ANKZF1: variants seen among roughly 807,000 people sequenced by gnomAD.
The protein encoded by ANKZF1 is ankyrin repeat and zinc finger peptidyl tRNA hydrolase 1, also known as tRNA endonuclease ANKZF1.
Under a neutral mutation model 86.0 loss-of-function variants are expected in ANKZF1, and 84 were observed. That is an observed-to-expected ratio of 0.98 (90% confidence interval 0.82 to 1.17). ANKZF1 has a LOEUF of 1.17. Among genes scored for constraint, ANKZF1 ranks in the 50% most tolerant of loss-of-function variants. The pLI is 0.00. For synonymous variants in ANKZF1, 331 were observed against 354.2 expected (o/e 0.93, Z 0.74); for missense variants, 893 against 918.4 (o/e 0.97, Z 0.36).
Position 219,236,582 on chromosome 2 carries a change from G to A in ANKZF1, c.*137G>A. On this transcript the variant is annotated 3_prime_UTR_variant, in exon 14 of 14. Transcript: ENST00000323348. ...AAGGACACTCGGGAACTAGGGCAAA[G>A]ACAGGGCTAGAGGTATGTGGAGCTG... 1 of 1,166,010 alleles carries A rather than the reference G, an allele frequency of 8.6e-7. No homozygotes were observed. 72.2% of individuals were successfully genotyped at this position (1,166,010 alleles called of 1,614,324 possible).
rs757250820 is a variant in ANKZF1, at chr2:219,235,744, C to T, written c.1840C>T (p.Gln614Ter). The change falls in exon 12 of 14, where the codon CAG (glutamine) becomes TAG (stop). Residue 614 changes from glutamine (Q) to a stop codon, truncating the protein, a stop_gained. Coordinates refer to ENST00000323348, the MANE Select transcript of ANKZF1 (RefSeq NM_018089.3). LOFTEE classifies it high-confidence loss of function. ...ATTGACACCAGAAATGGAGGCACGGCAGGCTACACGGAAAAGGGAGCAGAA... is the reference window on the plus strand; with the variant it reads ...ATTGACACCAGAAATGGAGGCACGGTAGGCTACACGGAAAAGGGAGCAGAA... ...GPLTPEMEAR[Q>*]ATRKREQKAA... 9 of 1,614,168 alleles carry T rather than the reference C, an allele frequency of 5.6e-6. No homozygotes were observed. The South Asian group carries it at 8.8e-5, about 16-fold the overall frequency.
In ANKZF1 at chr2:219,233,881, G is replaced by A. The variant is rs200210746; in HGVS notation, c.986G>A (p.Arg329His). 9.0e-5 allele frequency: 145 copies of A among 1,610,324 alleles called. No individual in the cohort carries two copies. In the African/African-American group the frequency reaches 9.5e-4, roughly 11 times the overall value. ...CTTTGGGATATCCCCCTCGCCACCC[G>A]CAGACCCACCTTCCAAGAGCTACAG... is the stretch of plus-strand genomic sequence containing the variant. The part of the protein sequence containing the change: ...PRLWDIPLAT[R>H]RPTFQELQRV... The change falls in exon 8 of 14, where the codon CGC (arginine) becomes CAC (histidine). Residue 329 changes from arginine to histidine, a missense_variant. Arg to His is a conservative substitution (Grantham distance 29). Coordinates refer to ENST00000323348, the MANE Select transcript of ANKZF1 (RefSeq NM_018089.3).
At chr2:219,235,661 G>A in intron 11 of ANKZF1, 47 bp from the exon 12 acceptor site, 1 of 1,611,452 alleles carries the variant, frequency 6.2e-7, no homozygotes. Flanking sequence ...ACTTCTTGCA[G>A]TTTTACCAAA....
chr2:219,236,250 G>T (rs1038708200), intron 13 of ANKZF1, 72 bp from the exon 14 acceptor site: 8 of 1,610,088 alleles, frequency 5.0e-6, no homozygotes, highest in African/African-American at 1.3e-5. Flanking sequence ...ATGGCAGGAG[G>T]AGGGACGGGG....
intron 7 of ANKZF1, 23 bp from the exon 8 acceptor site, chr2:219,233,692 G>A (rs1350251309): frequency 3.1e-6 from 5 of 1,590,426 alleles, no homozygotes; most frequent in Non-Finnish European, 4.3e-6. Flanking sequence ...AGGTATGCAG[G>A]ACTGAGTTAC....
At position 219,230,347 on chromosome 2, in the gene ANKZF1, C is replaced by T. The variant is rs1303059489; in HGVS notation, c.90C>T (p.Ser30=). 6.2e-7 allele frequency: 1 copy of T among 1,613,974 alleles called. No homozygotes were observed. The highest frequency in any genetic ancestry group is 8.5e-7 in the Non-Finnish European group (1 of 1,179,880). ...SADAPVFQGL[S]LVSHAPGEAL... ...ATGCTCCGGTCTTTCAGGGCCTGAG[C>T]CTGGTGAGCCACGCGCCTGGGGAGG... Residue 30 remains serine, a synonymous_variant, in exon 2 of 14, where the codon AGC becomes AGT. Transcript: ENST00000323348.
Position 219,235,666 on chromosome 2 carries a change from A to G in ANKZF1, c.1804-42A>G, listed in dbSNP as rs372136392. ...GATCCTTTCTACTTCTTGCAGTTTT[A>G]CCAAAGATAACTTATAGGGTCTTAT... On this transcript the variant is annotated intron_variant, in intron 11 of 13. Coordinates refer to ENST00000323348, the MANE Select transcript of ANKZF1 (RefSeq NM_018089.3). The G allele has an allele frequency of 1.8e-4, 296 of 1,611,332 alleles. 2 individuals carry two copies. The African/African-American group carries it at 3.0e-3, about 17-fold the overall frequency.
At chr2:219,235,395 A>G (rs1181428920) in intron 10 of ANKZF1, 79 bp from the exon 11 acceptor site, 7 of 1,599,846 alleles carry the variant, frequency 4.4e-6, no homozygotes, top group Admixed American at 1.7e-5. Context: ...CTACTTGGCA[A>G]TATTCCCTTG....
At position 219,233,133 on chromosome 2, in the gene ANKZF1, A is replaced by G; in HGVS notation, c.613A>G (p.Arg205Gly). 6.2e-7 allele frequency: 1 copy of G among 1,614,230 alleles called. No individual in the cohort carries two copies. ...LLQNLQSRGPRDCVVLMAAAG... is the reference protein window; with the variant it reads ...LLQNLQSRGPGDCVVLMAAAG... The stretch of plus-strand genomic sequence containing the variant: ...ACAGAACCTGCAAAGTAGAGGTCCC[A>G]GAGACTGCGTGGTGCTCATGGCTGC... Residue 205 changes from arginine to glycine, a missense_variant, in exon 6 of 14, where the codon AGA becomes GGA. Transcript: ENST00000323348.
At chr2:219,230,629 T>C (rs74566087) in intron 2 of ANKZF1, 3 of 440,604 alleles carry the variant, frequency 6.8e-6, no homozygotes, top group African/African-American at 6.1e-5. Flanking sequence ...ACCATTCCCT[T>C]CAAAAACACT....
In ANKZF1 at chr2:219,236,468, C is replaced by T. The variant is rs1021403838; in HGVS notation, c.*23C>T. On this transcript the variant is annotated 3_prime_UTR_variant, in exon 14 of 14. Transcript: ENST00000323348. ...TGATCTCTTACAGCTCTACCTGGGG[C>T]CAACTCAGGGACCTGAGAGGGCACA... is the stretch of plus-strand genomic sequence containing the variant. The T allele has an allele frequency of 1.3e-6, 2 of 1,551,882 alleles. No homozygotes were observed. Among genetic ancestry groups the T allele is most frequent in the African/African-American group, 2.7e-5 (2 of 72,768 alleles).
chr2:219,233,519 T>G (rs1426108420), intron 7 of ANKZF1, 86 bp downstream of exon 7: 1 of 1,472,138 alleles, frequency 6.8e-7, no homozygotes, highest in Non-Finnish European at 9.0e-7. Context: ...GGGAGGTTTT[T>G]GACTCATATC....
At chr2:219,233,495 C>T (rs747736976) in intron 7 of ANKZF1, 62 bp downstream of exon 7, 2 of 1,507,924 alleles carry the variant, frequency 1.3e-6, no homozygotes, top group Non-Finnish European at 1.8e-6. Context: ...CTCTGTTCAA[C>T]TCACTGTTAA....
In ANKZF1 at chr2:219,233,095, C is replaced by T; in HGVS notation, c.575C>T (p.Ala192Val). 6.2e-7 allele frequency: 1 copy of T among 1,613,920 alleles called. No individual in the cohort carries two copies. The highest frequency in any genetic ancestry group is 8.5e-7 in the Non-Finnish European group (1 of 1,179,984). ...LGPHQDPPEE[A>V]ELLLQNLQSR... ...GTCATCAAGGATCCCCCAGAAGAGG[C>T]AGAACTGCTGCTACAGAACCTGCAA... Residue 192 changes from alanine to valine, a missense_variant, in exon 6 of 14, where the codon GCA becomes GTA. By Grantham distance (64) the Ala-to-Val change is moderately conservative. Transcript: ENST00000323348.
chr2:219,230,418 G>A lies in ANKZF1; in HGVS notation c.148+13G>A. 1.3e-6 allele frequency: 2 copies of A among 1,594,860 alleles called. No individual in the cohort carries two copies. The highest frequency in any genetic ancestry group is 8.6e-7 in the Non-Finnish European group (1 of 1,165,914). ...ACTTCCTGTTCAGGTATCCTGGAAGGTTTCGTGTGAAACGTGACAGGGCTC... is the reference window on the plus strand; with the variant it reads ...ACTTCCTGTTCAGGTATCCTGGAAGATTTCGTGTGAAACGTGACAGGGCTC... On this transcript the variant is annotated intron_variant, in intron 2 of 13. Coordinates refer to ENST00000323348, the MANE Select transcript of ANKZF1 (RefSeq NM_018089.3).
At chr2:219,232,406 G>A (rs762954966) in intron 4 of ANKZF1, 44 bp downstream of exon 4, 3 of 1,611,134 alleles carry the variant, frequency 1.9e-6, no homozygotes, top group African/African-American at 2.7e-5. Flanking sequence ...GGACATGGAG[G>A]TATAAGAAAG....
chr2:219,230,126 A>T, intron 1 of ANKZF1, 102 bp from the exon 2 acceptor site: 1 of 952,034 alleles, frequency 1.1e-6, no homozygotes, highest in South Asian at 1.7e-5. Context: ...ATGAGAGACG[A>T]GAAGTCTTGC....
intron 9 of ANKZF1, 63 bp downstream of exon 9, chr2:219,234,351 T>C: frequency 6.2e-7 from 1 of 1,603,966 alleles, no homozygotes; most frequent in South Asian, 1.1e-5. Flanking sequence ...ACTGGCAAAT[T>C]CCCTACTCTC....
Position 219,231,955 on chromosome 2 carries a change from G to T in ANKZF1, c.176G>T (p.Arg59Ile). 6.2e-7 allele frequency: 1 copy of T among 1,613,970 alleles called. No individual in the cohort carries two copies. The highest frequency in any genetic ancestry group is 8.5e-7 in the Non-Finnish European group (1 of 1,179,954). Residue 59 changes from arginine to isoleucine, a missense_variant, in exon 3 of 14, where the codon AGA becomes ATA. Coordinates refer to ENST00000323348, the MANE Select transcript of ANKZF1 (RefSeq NM_018089.3). ...TCAGGGGAGAGAGAAAGCCCAGAAAGAAAGCTACTCCAGGGTCCTATGGAT... is the reference window on the plus strand; with the variant it reads ...TCAGGGGAGAGAGAAAGCCCAGAAATAAAGCTACTCCAGGGTCCTATGGAT... ...SGSGERESPE[R>I]KLLQGPMDIS...
Sources: gnomAD v4.1 joint callset for allele counts on GRCh38, gnomAD v4.1.1 for gene constraint, MANE v1.5 for transcripts, NCBI Gene and HGNC (gene_info 2026-07-23, HGNC 2026-07-21) for gene names.